VDAC2: variants seen among roughly 807,000 people sequenced by gnomAD.
VDAC2 encodes the protein voltage dependent anion channel 2.
In VDAC2, 6 loss-of-function variants were observed where a neutral mutation model predicts 36.6. The ratio of observed to expected loss-of-function variants is 0.16; its 90% CI spans 0.09 to 0.32. VDAC2 has a LOEUF of 0.32. Among genes scored for constraint, VDAC2 ranks in the 10% least tolerant of loss-of-function variants. The pLI, the probability that VDAC2 is intolerant of heterozygous loss-of-function variation, is 1.00. For synonymous variants in VDAC2, 109 were observed against 123.8 expected (o/e 0.88, Z 0.79); for missense variants, 247 against 346.0 (o/e 0.71, Z 2.27).
chr10:75,223,081 A>G (rs1209565463), intron 8 of VDAC2, among the ~76,000 whole-genome samples: 3 of 151,770 alleles, frequency 2.0e-5, no homozygotes, highest in African/African-American at 7.3e-5. Flanking sequence ...CCTGGGTTCA[A>G]GCAGCTCTTC....
intron 8 of VDAC2, among the ~76,000 whole-genome samples, chr10:75,225,133 AC>A (rs1268929786): frequency 6.6e-6 from 1 of 152,190 alleles, no homozygotes; most frequent in Admixed American, 6.5e-5. Context: ...AGGATATAAT[AC>A]CTATGGAAAG....
At chr10:75,219,612 G>A (rs1316255722) in intron 6 of VDAC2, among the ~76,000 whole-genome samples, 1 of 152,022 alleles carries the variant, frequency 6.6e-6, no homozygotes, top group Non-Finnish European at 1.5e-5. Flanking sequence ...GCCTCCCTGA[G>A]TAGCTGGGAC....
chr10:75,224,852 A>G (rs532974695), intron 8 of VDAC2, among the ~76,000 whole-genome samples: 2 of 152,318 alleles, frequency 1.3e-5, no homozygotes, highest in African/African-American at 4.8e-5. Flanking sequence ...TAGAGATTAC[A>G]TTGAGAAATG....
intron 4 of VDAC2, among the ~76,000 whole-genome samples, chr10:75,215,693 T>G (rs1055705119): frequency 4.8e-4 from 72 of 150,716 alleles, no homozygotes; most frequent in African/African-American, 1.7e-3. Flanking sequence ...CTGATATTTA[T>G]TTAATCGTAT....
chr10:75,210,936 C>G lies in VDAC2; in HGVS notation c.-28C>G, dbSNP rs1323278542. Reference sequence around the variant, plus strand: ...GCGGCGGCCCCCCTCAGGACACCACCAGGTACCGCCGCGCCCGCCTCACGC... The same window carrying G: ...GCGGCGGCCCCCCTCAGGACACCACGAGGTACCGCCGCGCCCGCCTCACGC... On this transcript the variant is annotated splice_region_variant and 5_prime_UTR_variant, in exon 1 of 10. Coordinates refer to ENST00000332211, the MANE Select transcript of VDAC2 (RefSeq NM_001391963.1). 2.2e-6 allele frequency: 1 copy of G among 446,436 alleles called. No homozygotes were observed. Among genetic ancestry groups the G allele is most frequent in the African/African-American group, 2.1e-5 (1 of 48,372 alleles). The allele number at this position is 446,436 out of a possible 1,614,324, so 27.7% of individuals were successfully genotyped here.
intron 2 of VDAC2, chr10:75,211,809 AT>A: frequency 9.7e-7 from 1 of 1,027,978 alleles, no homozygotes; most frequent in Non-Finnish European, 1.4e-6. Flanking sequence ...CAGCGAAGAT[AT>A]TAAAGGACGT....
chr10:75,230,586 C>A (rs923714305), intron 9 of VDAC2, among the ~76,000 whole-genome samples: 1 of 152,102 alleles, frequency 6.6e-6, no homozygotes, highest in Non-Finnish European at 1.5e-5. Flanking sequence ...TTTCTAGGAT[C>A]GAATTATGAT....
At chr10:75,216,639 C>G (rs1243891452) in intron 4 of VDAC2, among the ~76,000 whole-genome samples, 1 of 152,138 alleles carries the variant, frequency 6.6e-6, no homozygotes, top group Non-Finnish European at 1.5e-5. Context: ...TGTAATCTGG[C>G]CCAACTCTGG....
At chr10:75,229,825 G>T (rs760601891) in intron 9 of VDAC2, 124 bp downstream of exon 9, 1 of 648,984 alleles carries the variant, frequency 1.5e-6, no homozygotes. Context: ...CAATAAATAC[G>T]TGTTTACCTT....
At position 75,222,341 on chromosome 10, in the gene VDAC2, C is replaced by T; in HGVS notation, c.674C>T (p.Thr225Ile). 1.2e-6 allele frequency: 2 copies of T among 1,614,138 alleles called. No homozygotes were observed. Among genetic ancestry groups the T allele is most frequent in the Non-Finnish European group, 1.7e-6 (2 of 1,180,018 alleles). ...GTAAACCTTGCTTGGACATCAGGTA[C>T]CAACTGCACTCGTTTTGGCATTGCA... ...TSVNLAWTSG[T>I]NCTRFGIAAK... Residue 225 changes from threonine to isoleucine, a missense_variant, in exon 8 of 10, where the codon ACC (threonine) becomes ATC (isoleucine). Thr to Ile is a moderately conservative substitution (Grantham distance 89, BLOSUM62 -1). Transcript: ENST00000332211.
chr10:75,211,231 G>C (rs759881941), intron 2 of VDAC2, 42 bp downstream of exon 2: 1 of 1,603,596 alleles, frequency 6.2e-7, no homozygotes, highest in East Asian at 2.2e-5. Flanking sequence ...GCGGCGGAGA[G>C]TCGAAGCCTG....
At chr10:75,211,023 C>G (rs1471169984) in intron 1 of VDAC2, 85 bp downstream of exon 1, 2 of 1,063,766 alleles carry the variant, frequency 1.9e-6, no homozygotes, top group African/African-American at 3.3e-5. Context: ...CGGAGTCGGC[C>G]CTGGCTTCCT....
chr10:75,219,024 T>A, intron 4 of VDAC2, 39 bp from the exon 5 acceptor site: 1 of 1,588,562 alleles, frequency 6.3e-7, no homozygotes, highest in Non-Finnish European at 8.6e-7. Context: ...AATTCTAGGC[T>A]TATGAGAATG....
chr10:75,210,791 C>G, upstream of VDAC2: 1 of 200,548 alleles, frequency 5.0e-6, no homozygotes, highest in Non-Finnish European at 1.0e-5. Context: ...GGGGTCCTGT[C>G]TGGGAGAGGA....
At position 75,229,708 on chromosome 10, in the gene VDAC2, A is replaced by G. The variant is rs370978298; in HGVS notation, c.793+7A>G. 88 of 1,592,278 alleles carry G rather than the reference A, an allele frequency of 5.5e-5. No homozygotes were observed. In the African/African-American group the frequency reaches 7.7e-4, roughly 14 times the overall value. On this transcript the variant is annotated splice_region_variant and intron_variant, in intron 9 of 9. Coordinates refer to ENST00000332211, the MANE Select transcript of VDAC2 (RefSeq NM_001391963.1). The stretch of plus-strand genomic sequence containing the variant: ...ACTCAGACTCTGAGGCCTGGTAAGT[A>G]TTCTTGATAAAGTAGGATTGTTTTG...
intron 7 of VDAC2, among the ~76,000 whole-genome samples, chr10:75,221,584 T>G (rs1183445361): frequency 6.6e-6 from 1 of 152,228 alleles, no homozygotes. Context: ...GCCAAAGTGC[T>G]GGGATTACAG....
Position 75,217,849 on chromosome 10 carries a change from C to T in VDAC2, c.151-1214C>T, listed in dbSNP as rs1311764282. The T allele has an allele frequency of 5.9e-6, 7 of 1,193,392 alleles. No homozygotes were observed. The East Asian group carries it at 3.6e-4, about 61-fold the overall frequency. 73.9% of individuals were successfully genotyped at this position (1,193,392 alleles called of 1,614,324 possible). ...CTGAGAGAAGGTTGACTGGCCTTTC[C>T]TCCTATTGATACAATTTTTGATATT... On this transcript the variant is annotated intron_variant, in intron 4 of 9. Transcript: ENST00000332211.
Position 75,220,646 on chromosome 10 carries a change from C to G in VDAC2, c.357-97C>G, listed in dbSNP as rs1590005948. The G allele has an allele frequency of 3.8e-5, 39 of 1,017,718 alleles. No homozygotes were observed. The East Asian group carries it at 9.7e-4, about 25-fold the overall frequency. The allele number at this position is 1,017,718 out of a possible 1,614,324, so 63.0% of individuals were successfully genotyped here. On this transcript the variant is annotated intron_variant, in intron 6 of 9. Transcript: ENST00000332211. ...TTATTGTATTGCTGATTTTTACTCCCTGGTCATACTGCAGTTTATTTAAGT... is the reference window on the plus strand; with the variant it reads ...TTATTGTATTGCTGATTTTTACTCCGTGGTCATACTGCAGTTTATTTAAGT...
intron 4 of VDAC2, among the ~76,000 whole-genome samples, 158 bp downstream of exon 4, chr10:75,214,228 T>C (rs910489235): frequency 2.6e-5 from 4 of 152,236 alleles, no homozygotes; most frequent in Admixed American, 6.5e-5. Flanking sequence ...TATTTTGGCC[T>C]TGAATGTGAT....
Sources: allele counts gnomAD v4.1 joint callset (sites outside exome capture counted in the v4.1 genomes callset), GRCh38; gene constraint gnomAD v4.1.1; transcripts MANE v1.5; gene names NCBI Gene and HGNC (gene_info 2026-07-23, HGNC 2026-07-21).